Variants in PDLIM5 observed in about 807,000 individuals in gnomAD.
PDLIM5 encodes the protein PDZ and LIM domain 5, also known as PDZ and LIM domain protein 5.
In PDLIM5, 34 loss-of-function variants were observed where a neutral mutation model predicts 64.2. The observed-to-expected ratio is 0.53, with a 90% CI of 0.40 to 0.71. The LOEUF is 0.71. Among genes scored for constraint, PDLIM5 ranks in the 30% least tolerant of loss-of-function variants. The probability of loss-of-function intolerance (pLI) is 0.00; values close to 1 mark genes in which losing one functional copy is unlikely to be tolerated. For synonymous variants in PDLIM5, 253 were observed against 269.1 expected (o/e 0.94, Z 0.59); for missense variants, 683 against 733.6 (o/e 0.93, Z 0.80).
intron 7 of PDLIM5, among the ~76,000 whole-genome samples, chr4:94,604,628 C>T (rs996831055): frequency 7.9e-5 from 12 of 151,804 alleles, no homozygotes; most frequent in East Asian, 3.9e-4. Context: ...AGTGAGGCTC[C>T]GTCTCCAAAA....
intron 9 of PDLIM5, among the ~76,000 whole-genome samples, chr4:94,646,737 T>C (rs1454238480): frequency 2.6e-5 from 4 of 152,160 alleles, no homozygotes; most frequent in African/African-American, 9.7e-5. Context: ...ACAACAAATG[T>C]CCATTGAAAA....
At chr4:94,453,688 T>C (rs1306950804) in intron 1 of PDLIM5, among the ~76,000 whole-genome samples, 1 of 152,182 alleles carries the variant, frequency 6.6e-6, no homozygotes, top group Non-Finnish European at 1.5e-5. Flanking sequence ...ACAGTCCTTC[T>C]ATTAGTTTTC....
At chr4:94,455,087 T>G (rs990948972) in intron 1 of PDLIM5, among the ~76,000 whole-genome samples, 160 bp from the exon 2 acceptor site, 1 of 152,234 alleles carries the variant, frequency 6.6e-6, no homozygotes, top group Admixed American at 6.5e-5. Flanking sequence ...AAATTTATAT[T>G]AGCTCACAGA....
chr4:94,621,592 A>G (rs1739246500), intron 8 of PDLIM5, among the ~76,000 whole-genome samples: 2 of 152,334 alleles, frequency 1.3e-5, no homozygotes, highest in South Asian at 4.1e-4. Context: ...GGCCTTTGGA[A>G]GTTCAGAAGT....
chr4:94,574,881 G>T (rs1735119207), intron 4 of PDLIM5, among the ~76,000 whole-genome samples: 1 of 151,372 alleles, frequency 6.6e-6, no homozygotes, highest in African/African-American at 2.4e-5. Flanking sequence ...TATTTATTTT[G>T]GAAAAGGAAA....
At chr4:94,524,238 G>A (rs1177209640) in intron 3 of PDLIM5, among the ~76,000 whole-genome samples, 6 of 151,812 alleles carry the variant, frequency 4.0e-5, no homozygotes, top group African/African-American at 1.2e-4. Context: ...GCGTGGTGGC[G>A]TGTGCCTGTA....
chr4:94,636,798 G>A (rs931295548), intron 8 of PDLIM5, among the ~76,000 whole-genome samples: 5 of 152,104 alleles, frequency 3.3e-5, no homozygotes, highest in Non-Finnish European at 7.4e-5. Flanking sequence ...GCCTCCCAAA[G>A]TGCTGGGATT....
In PDLIM5 at chr4:94,629,941, A is replaced by G. The variant is rs540162869; in HGVS notation, c.1109-10335A>G. ...ATGCCTGGATTATGAAGAGTAGACTATTGTTTAGGCTTTCAGCATAAGGAG... is the reference window on the plus strand; with the variant it reads ...ATGCCTGGATTATGAAGAGTAGACTGTTGTTTAGGCTTTCAGCATAAGGAG... On this transcript the variant is annotated intron_variant, in intron 8 of 12. Transcript: ENST00000317968. Among the ~76,000 whole-genome samples the G allele has an allele frequency of 3.9e-5, 6 of 152,284 alleles. No homozygotes were observed. The East Asian group carries it at 1.2e-3, about 29-fold the overall frequency.
intron 2 of PDLIM5, among the ~76,000 whole-genome samples, chr4:94,510,623 A>G (rs1217168373): frequency 3.9e-5 from 6 of 152,258 alleles, no homozygotes; most frequent in South Asian, 2.1e-4. Flanking sequence ...CAGTTTTGCA[A>G]TGATCTCGTC....
intron 3 of PDLIM5, among the ~76,000 whole-genome samples, chr4:94,543,107 C>T (rs911683427): frequency 3.9e-5 from 6 of 152,106 alleles, no homozygotes; most frequent in Admixed American, 6.5e-5. Flanking sequence ...TTTTTGGGTA[C>T]GATACTAGTT....
intron 3 of PDLIM5, among the ~76,000 whole-genome samples, chr4:94,524,887 G>C (rs1414920526): frequency 6.6e-6 from 1 of 152,140 alleles, no homozygotes; most frequent in Non-Finnish European, 1.5e-5. Flanking sequence ...AAGAGGGAAT[G>C]CAGAGTGATG....
chr4:94,508,472 G>A (rs544029011), intron 2 of PDLIM5, among the ~76,000 whole-genome samples: 1 of 152,148 alleles, frequency 6.6e-6, no homozygotes, highest in Non-Finnish European at 1.5e-5. Flanking sequence ...GATGGGCCTT[G>A]GTTTTGAAAG....
chr4:94,513,907 A>G (rs1339106361), intron 2 of PDLIM5, among the ~76,000 whole-genome samples: 1 of 150,142 alleles, frequency 6.7e-6, no homozygotes, highest in African/African-American at 2.5e-5. Flanking sequence ...CTCTATTCCC[A>G]GTTTTTTGAG....
intron 2 of PDLIM5, among the ~76,000 whole-genome samples, chr4:94,464,370 C>A (rs905225542): frequency 6.6e-6 from 1 of 152,120 alleles, no homozygotes; most frequent in African/African-American, 2.4e-5. Flanking sequence ...TGTTGTGATT[C>A]AGTTCCATTG....
intron 3 of PDLIM5, among the ~76,000 whole-genome samples, chr4:94,550,932 C>A (rs952976618): frequency 6.6e-6 from 1 of 151,740 alleles, no homozygotes. Context: ...TAAATAGATA[C>A]AGAAAGAAGT....
intron 2 of PDLIM5, among the ~76,000 whole-genome samples, chr4:94,483,975 T>C (rs1250406521): frequency 1.3e-5 from 2 of 152,152 alleles, no homozygotes; most frequent in Non-Finnish European, 2.9e-5. Context: ...CACTTACCTC[T>C]CGTGTTGAAA....
intron 2 of PDLIM5, among the ~76,000 whole-genome samples, chr4:94,481,617 T>A (rs1313321366): frequency 6.9e-6 from 1 of 144,482 alleles, no homozygotes; most frequent in Non-Finnish European, 1.5e-5. Context: ...TTTTATTTCA[T>A]TTTTTTTTTG....
chr4:94,662,368 A>C, intron 11 of PDLIM5, 54 bp from the exon 12 acceptor site: 2 of 819,386 alleles, frequency 2.4e-6, no homozygotes, highest in Non-Finnish European at 4.2e-6. Flanking sequence ...AGGAACGATC[A>C]TTCTAAAACT....
chr4:94,483,024 C>T (rs1330268968), intron 2 of PDLIM5, among the ~76,000 whole-genome samples: 1 of 152,120 alleles, frequency 6.6e-6, no homozygotes, highest in East Asian at 1.9e-4. Context: ...TGTTGGAACT[C>T]TGAAAGTATC....
Sources: gnomAD v4.1 joint callset for allele counts (sites outside exome capture counted in the v4.1 genomes callset) on GRCh38, gnomAD v4.1.1 for gene constraint, MANE v1.5 for transcripts, NCBI Gene and HGNC (gene_info 2026-07-23, HGNC 2026-07-21) for gene names.